The following VPS13B variants were observed in gnomAD, a reference collection of about 807,000 sequenced individuals.
VPS13B encodes the protein vacuolar protein sorting 13 homolog B.
Under a neutral mutation model 426.4 loss-of-function variants are expected in VPS13B, and 285 were observed. The ratio of observed to expected loss-of-function variants is 0.67; its 90% CI spans 0.61 to 0.74. The LOEUF (loss-of-function observed/expected upper bound fraction) is 0.74, where lower values mean the gene tolerates loss of function less well. VPS13B is among the 30% of genes least tolerant of loss of function. The pLI is 0.00. For synonymous variants in VPS13B, 1,676 were observed against 1,676.4 expected, an observed-to-expected ratio of 1.00 and a Z score of 0.01; for missense variants, 4,537 against 4,782.6, an observed-to-expected ratio of 0.95 and a Z score of 1.51.
At chr8:99,167,955 T>G (rs779922417) in intron 15 of VPS13B, among the ~76,000 whole-genome samples, 6 of 152,148 alleles carry the variant, frequency 3.9e-5, no homozygotes, top group Non-Finnish European at 7.4e-5. Context: ...CTGGTTCTGC[T>G]TTTTCCAGAT....
At chr8:99,535,538 GAAAAATACAAACATGATCCT>G (rs1445379958) in intron 30 of VPS13B, among the ~76,000 whole-genome samples, 1 of 152,114 alleles carries the variant, frequency 6.6e-6, no homozygotes, top group African/African-American at 2.4e-5. Flanking sequence ...GAAAGGTAAT[GAAAAATACAAACATGATCCT>G]AAAAATGGGT....
chr8:99,472,796 TAGAG>T (rs1022341749), intron 24 of VPS13B, among the ~76,000 whole-genome samples: 5 of 151,742 alleles, frequency 3.3e-5, no homozygotes, highest in African/African-American at 7.3e-5. Flanking sequence ...ACTGAAATAA[TAGAG>T]AGGGAGAAAA....
chr8:99,288,946 C>G (rs969339115), intron 19 of VPS13B, among the ~76,000 whole-genome samples: 17 of 151,936 alleles, frequency 1.1e-4, no homozygotes, highest in Non-Finnish European at 4.4e-5. Flanking sequence ...CCTATAATCT[C>G]AGCACTTTGG....
chr8:99,661,616 G>T (rs1830227213), intron 35 of VPS13B, 125 bp downstream of exon 35: 8 of 1,220,878 alleles, frequency 6.6e-6, no homozygotes, highest in Non-Finnish European at 8.0e-6. Context: ...TTTCCCAGAG[G>T]TGTATGCTTT....
chr8:99,058,049 G>A (rs1025835473), intron 3 of VPS13B, among the ~76,000 whole-genome samples: 5 of 151,948 alleles, frequency 3.3e-5, no homozygotes, highest in African/African-American at 9.7e-5. Flanking sequence ...AGTTGTTTTC[G>A]AAGTGTGATC....
chr8:99,702,054 T>C (rs1224263087), intron 36 of VPS13B, among the ~76,000 whole-genome samples: 1 of 152,134 alleles, frequency 6.6e-6, no homozygotes, highest in African/African-American at 2.4e-5. Flanking sequence ...GTCTTAAAAA[T>C]TCATGCTTTG....
chr8:99,626,126 T>C (rs1216694735), intron 33 of VPS13B, among the ~76,000 whole-genome samples: 1 of 152,194 alleles, frequency 6.6e-6, no homozygotes, highest in Non-Finnish European at 1.5e-5. Context: ...AAAACATATG[T>C]CCAACACAAT....
intron 7 of VPS13B, among the ~76,000 whole-genome samples, chr8:99,119,021 A>C (rs977048802): frequency 6.6e-6 from 1 of 152,180 alleles, no homozygotes; most frequent in Non-Finnish European, 1.5e-5. Context: ...CAGTTGGCCT[A>C]CATCCTTGCT....
intron 33 of VPS13B, among the ~76,000 whole-genome samples, chr8:99,640,335 G>A (rs1429592857): frequency 6.6e-6 from 1 of 151,950 alleles, no homozygotes; most frequent in Non-Finnish European, 1.5e-5. Context: ...GGAGTGTGGT[G>A]GCATGATCTC....
At chr8:99,084,035 C>A (rs1205004113) in intron 3 of VPS13B, among the ~76,000 whole-genome samples, 2 of 152,164 alleles carry the variant, frequency 1.3e-5, no homozygotes, top group African/African-American at 4.8e-5. Context: ...AGGAATGGTA[C>A]CAACTCCTCC....
At chr8:99,562,378 T>C (rs781469196) in intron 31 of VPS13B, among the ~76,000 whole-genome samples, 26 of 152,002 alleles carry the variant, frequency 1.7e-4, no homozygotes, top group South Asian at 6.2e-4. Flanking sequence ...CCTCCTGGGT[T>C]CAACCCATTT....
At chr8:99,480,689 C>T (rs544576679) in intron 24 of VPS13B, among the ~76,000 whole-genome samples, 1 of 152,170 alleles carries the variant, frequency 6.6e-6, no homozygotes, top group East Asian at 1.9e-4. Context: ...GAAAATTGTA[C>T]ACCCAAGTAC....
chr8:99,789,167 T>A (rs1014441707), intron 43 of VPS13B, among the ~76,000 whole-genome samples: 2 of 152,184 alleles, frequency 1.3e-5, no homozygotes, highest in Non-Finnish European at 2.9e-5. Flanking sequence ...AGGTTTTGAG[T>A]ATCTGCCTAT....
chr8:99,013,576 C>T (rs1189081067), intron 1 of VPS13B, among the ~76,000 whole-genome samples, 184 bp from the exon 2 acceptor site: 1 of 152,170 alleles, frequency 6.6e-6, no homozygotes, highest in African/African-American at 2.4e-5. Context: ...CTTCGCTTGG[C>T]GAAGGGTGTT....
intron 20 of VPS13B, 69 bp downstream of exon 20, chr8:99,384,386 T>C: frequency 1.7e-6 from 2 of 1,207,798 alleles, no homozygotes; most frequent in Non-Finnish European, 2.4e-6. Flanking sequence ...GAATTATATA[T>C]GTCTTTTGAT....
intron 56 of VPS13B, among the ~76,000 whole-genome samples, chr8:99,855,810 T>A (rs912804723): frequency 1.3e-5 from 2 of 152,228 alleles, no homozygotes; most frequent in Non-Finnish European, 2.9e-5. Context: ...GCCAGACCTG[T>A]TGTCTTGATA....
At chr8:99,522,630 C>G (rs1015726372) in intron 30 of VPS13B, among the ~76,000 whole-genome samples, 1 of 151,934 alleles carries the variant, frequency 6.6e-6, no homozygotes, top group Non-Finnish European at 1.5e-5. Flanking sequence ...TGGCTCAGGA[C>G]AACTTGAATT....
intron 39 of VPS13B, among the ~76,000 whole-genome samples, chr8:99,740,163 C>CTTG (rs1809626123): frequency 6.6e-6 from 1 of 152,272 alleles, no homozygotes; most frequent in South Asian, 2.1e-4. Flanking sequence ...AGCACAAGAA[C>CTTG]TACATGAGGA....
intron 25 of VPS13B, among the ~76,000 whole-genome samples, chr8:99,496,639 A>G (rs1299394307): frequency 6.6e-6 from 1 of 152,120 alleles, no homozygotes; most frequent in Non-Finnish European, 1.5e-5. Context: ...CGACACAGCA[A>G]GACTCCATCT....
Sources: gnomAD v4.1 joint callset for allele counts (sites outside exome capture counted in the v4.1 genomes callset) on GRCh38, gnomAD v4.1.1 for gene constraint, MANE v1.5 for transcripts, NCBI Gene and HGNC (gene_info 2026-07-23, HGNC 2026-07-21) for gene names.